SAMD12: variants seen among roughly 807,000 people sequenced by gnomAD.
The protein encoded by SAMD12 is sterile alpha motif domain-containing protein 12.
In SAMD12, 9 loss-of-function variants were observed where a neutral mutation model predicts 15.0. The ratio of observed to expected loss-of-function variants is 0.60; its 90% confidence interval spans 0.36 to 1.05. The LOEUF is 1.05. Ranked by LOEUF, SAMD12 falls within the 50% of genes least tolerant of loss-of-function variation. The pLI, the probability that SAMD12 is intolerant of heterozygous loss-of-function variation, is 0.01. For synonymous variants in SAMD12, 86 were observed against 90.1 expected (o/e 0.96, Z 0.25); for missense variants, 230 against 234.2 (o/e 0.98, Z 0.12).
At chr8:118,367,381 C>T (rs779484088) in intron 4 of SAMD12, among the ~76,000 whole-genome samples, 5 of 152,094 alleles carry the variant, frequency 3.3e-5, no homozygotes, top group Non-Finnish European at 7.4e-5. Context: ...ATTTGAACAC[C>T]GCACATATTA....
chr8:118,131,968 C>A, the SAMD12 span, among the ~76,000 whole-genome samples: 1 of 151,940 alleles, frequency 6.6e-6, no homozygotes, highest in African/African-American at 2.4e-5. Flanking sequence ...GAGAAGATAC[C>A]CATTATCCTA....
intron 1 of SAMD12, among the ~76,000 whole-genome samples, chr8:118,594,166 G>C (rs1425915628): frequency 1.3e-5 from 2 of 151,734 alleles, no homozygotes; most frequent in Non-Finnish European, 2.9e-5. Flanking sequence ...TAAAATAGTG[G>C]CTCCCAAATG....
intron 4 of SAMD12, among the ~76,000 whole-genome samples, chr8:118,254,643 C>G (rs1812892524): frequency 6.6e-6 from 1 of 152,006 alleles, no homozygotes; most frequent in African/African-American, 2.4e-5. Flanking sequence ...CATGAGAGTC[C>G]CTCTGCTTCC....
intron 1 of SAMD12, among the ~76,000 whole-genome samples, chr8:118,598,264 T>C (rs1827771925): frequency 6.6e-6 from 1 of 152,212 alleles, no homozygotes; most frequent in South Asian, 2.1e-4. Context: ...ACCCCTAATG[T>C]CACCATATTT....
At chr8:118,591,924 T>C (rs991422251) in intron 1 of SAMD12, among the ~76,000 whole-genome samples, 1 of 152,134 alleles carries the variant, frequency 6.6e-6, no homozygotes, top group Non-Finnish European at 1.5e-5. Context: ...AGAATTAACA[T>C]ATTCAAAGGA....
chr8:118,345,394 G>A (rs1205761398), intron 4 of SAMD12, among the ~76,000 whole-genome samples: 3 of 152,172 alleles, frequency 2.0e-5, no homozygotes, highest in African/African-American at 7.2e-5. Flanking sequence ...ATGCATGACT[G>A]TATAAGCAAT....
the SAMD12 span, among the ~76,000 whole-genome samples, chr8:118,155,683 G>C: frequency 6.6e-6 from 1 of 152,202 alleles, no homozygotes; most frequent in South Asian, 2.1e-4. Context: ...GGAATGCGAG[G>C]TGAGGAGGGT....
At chr8:118,208,129 T>G (rs912566560) in intron 4 of SAMD12, among the ~76,000 whole-genome samples, 6 of 152,008 alleles carry the variant, frequency 3.9e-5, no homozygotes, top group African/African-American at 7.2e-5. Flanking sequence ...TGGTAGTGCA[T>G]GCCTGTAATC....
chr8:118,498,845 AGAG>A (rs1824700404), intron 2 of SAMD12, among the ~76,000 whole-genome samples: 1 of 152,242 alleles, frequency 6.6e-6, no homozygotes, highest in Non-Finnish European at 1.5e-5. Context: ...AGATAGACCT[AGAG>A]GACAGTCAAA....
intron 4 of SAMD12, among the ~76,000 whole-genome samples, chr8:118,229,857 G>T (rs892157649): frequency 6.6e-6 from 1 of 152,160 alleles, no homozygotes; most frequent in African/African-American, 2.4e-5. Context: ...GCCATCCGAA[G>T]TTCAGAGCTG....
chr8:118,214,598 G>A (rs1019494946), intron 4 of SAMD12, among the ~76,000 whole-genome samples: 3 of 152,192 alleles, frequency 2.0e-5, no homozygotes, highest in African/African-American at 4.8e-5. Context: ...TCACAGGCAT[G>A]TATGCAAGAT....
At chr8:118,306,026 C>T (rs1815332809) in intron 4 of SAMD12, among the ~76,000 whole-genome samples, 2 of 152,302 alleles carry the variant, frequency 1.3e-5, no homozygotes, top group South Asian at 2.1e-4. Flanking sequence ...CCTGTTACTT[C>T]GAGGTTCTGC....
chr8:118,273,370 T>C (rs913809047), intron 4 of SAMD12, among the ~76,000 whole-genome samples: 2 of 152,160 alleles, frequency 1.3e-5, no homozygotes, highest in Non-Finnish European at 2.9e-5. Flanking sequence ...ACATGGAGAT[T>C]ATGGGAGCAA....
chr8:118,543,355 A>G (rs1488163564), intron 2 of SAMD12, among the ~76,000 whole-genome samples: 1 of 152,182 alleles, frequency 6.6e-6, no homozygotes, highest in Non-Finnish European at 1.5e-5. Context: ...ACTCATTCCG[A>G]GTCTCTAATT....
chr8:118,584,821 G>T (rs1414197180), intron 1 of SAMD12, among the ~76,000 whole-genome samples: 1 of 151,842 alleles, frequency 6.6e-6, no homozygotes, highest in Non-Finnish European at 1.5e-5. Flanking sequence ...ATTGCTGGTG[G>T]GAATGTCAAG....
At chr8:118,594,419 A>T (rs1435656960) in intron 1 of SAMD12, among the ~76,000 whole-genome samples, 11 of 152,190 alleles carry the variant, frequency 7.2e-5, no homozygotes, top group Admixed American at 2.6e-4. Context: ...AAAGAAAAAA[A>T]ACCTATAGAA....
chr8:118,619,462 G>C (rs1214301604), intron 1 of SAMD12, among the ~76,000 whole-genome samples: 2 of 124,304 alleles, frequency 1.6e-5, no homozygotes, highest in Admixed American at 9.4e-5. Flanking sequence ...CTGGGCGACA[G>C]AGCAAGACTC....
chr8:118,415,048 C>A (rs1237650749), intron 3 of SAMD12, among the ~76,000 whole-genome samples: 1 of 152,152 alleles, frequency 6.6e-6, no homozygotes, highest in African/African-American at 2.4e-5. Context: ...GGAGAATTAT[C>A]CCAGGAATAA....
the SAMD12 span, among the ~76,000 whole-genome samples, chr8:118,183,091 T>C: frequency 6.6e-6 from 1 of 152,218 alleles, no homozygotes; most frequent in East Asian, 1.9e-4. Context: ...CATCCTTTCC[T>C]GGGCAGTATT....
Sources: allele counts gnomAD v4.1 joint callset (sites outside exome capture counted in the v4.1 genomes callset), GRCh38; gene constraint gnomAD v4.1.1; transcripts MANE v1.5; gene names NCBI Gene and HGNC (gene_info 2026-07-23, HGNC 2026-07-21).